EPB41L3: variants seen among roughly 807,000 people sequenced by gnomAD.
The protein encoded by EPB41L3 is erythrocyte membrane protein band 4.1 like 3, also known as band 4.1-like protein 3.
EPB41L3 carries 57 observed loss-of-function variants against 127.1 expected under a neutral mutation model. The ratio of observed to expected loss-of-function variants is 0.45; its 90% CI spans 0.36 to 0.56. The LOEUF (loss-of-function observed/expected upper bound fraction) is 0.56, where lower values mean the gene tolerates loss of function less well. EPB41L3 is among the 20% of genes least tolerant of loss of function. The pLI, the probability that EPB41L3 is intolerant of heterozygous loss-of-function variation, is 0.00. For missense variants in EPB41L3, 1,273 were observed against 1,372.2 expected (o/e 0.93, Z 1.14); for synonymous variants, 572 against 549.5 (o/e 1.04, Z -0.57).
chr18:5,475,202 T>C (rs1480499076), intron 3 of EPB41L3, among the ~76,000 whole-genome samples: 1 of 152,220 alleles, frequency 6.6e-6, no homozygotes. Context: ...CCATTGTTCG[T>C]ATTATCATTA....
chr18:5,600,997 T>C lies in EPB41L3; in HGVS notation c.-306+11343A>G, dbSNP rs187223721. ...TAATTCATGGCATTCCAGTTAGAGA[T>C]ACATTGTTGTCAAACAACAACAACA... On this transcript the variant is annotated intron_variant, in intron 3 of 21. Transcript: ENST00000545076. 2.6e-5 allele frequency among the ~76,000 whole-genome samples: 4 copies of C among 152,254 alleles called. No homozygotes were observed. In the East Asian group the frequency reaches 7.7e-4, roughly 29 times the overall value.
At chr18:5,550,684 G>A (rs1183531476) in intron 3 of EPB41L3, among the ~76,000 whole-genome samples, 1 of 152,086 alleles carries the variant, frequency 6.6e-6, no homozygotes, top group African/African-American at 2.4e-5. Context: ...CTATCAGGAG[G>A]GCACTTGGGC....
At chr18:5,562,213 C>T (rs992670707) in intron 3 of EPB41L3, among the ~76,000 whole-genome samples, 1 of 152,086 alleles carries the variant, frequency 6.6e-6, no homozygotes, top group Non-Finnish European at 1.5e-5. Flanking sequence ...AAGATGCTAA[C>T]ATTAGGGATA....
In EPB41L3 at chr18:5,397,407, T is replaced by C. The variant is rs996237680; in HGVS notation, c.2492A>G (p.Glu831Gly). Residue 831 changes from glutamate to glycine, a missense_variant, in exon 18 of 23, where the codon GAG becomes GGG. Transcript: ENST00000341928. This position sits in a 1 kb window ranked among gnomAD's most constrained non-coding sequence, Gnocchi z 4.1. ...GGGTTCCGTCTCTATTCCACTGGAC[T>C]CCGTCTTGGTTTCCATTTTCTGCAT... is the stretch of plus-strand genomic sequence containing the variant. ...SWVQKMETKT[E>G]SSGIETEPTV... 1.2e-5 allele frequency: 19 copies of C among 1,609,618 alleles called. 1 individual carries two copies. The South Asian group carries it at 2.1e-4, about 18-fold the overall frequency.
intron 1 of EPB41L3, among the ~76,000 whole-genome samples, chr18:5,626,686 G>T (rs1231884946): frequency 6.6e-6 from 1 of 152,194 alleles, no homozygotes; most frequent in Non-Finnish European, 1.5e-5. Flanking sequence ...TCTCCTTACA[G>T]ATAAGGAAGT....
At chr18:5,457,766 C>A (rs1791410900) in intron 3 of EPB41L3, among the ~76,000 whole-genome samples, 1 of 152,108 alleles carries the variant, frequency 6.6e-6, no homozygotes, top group Non-Finnish European at 1.5e-5. Context: ...GGAGACTGTA[C>A]ACACACCTCC....
At chr18:5,506,124 A>T (rs1472301724) in intron 1 of EPB41L3, among the ~76,000 whole-genome samples, 1 of 151,908 alleles carries the variant, frequency 6.6e-6, no homozygotes, top group Non-Finnish European at 1.5e-5. Context: ...ACCATCCAGT[A>T]ACTGCTTGCC....
At chr18:5,398,313 C>CAAGAG in intron 16 of EPB41L3, 170 bp from the exon 17 acceptor site, 2 of 756,294 alleles carry the variant, frequency 2.6e-6, no homozygotes, top group Non-Finnish European at 4.3e-6. Context: ...AAATAGAAAA[C>CAAGAG]CAGGTGCTCT....
chr18:5,406,683 C>T, intron 16 of EPB41L3, 94 bp downstream of exon 16: 1 of 1,159,256 alleles, frequency 8.6e-7, no homozygotes, highest in Non-Finnish European at 1.2e-6. Context: ...GAGAGATTTT[C>T]TACCCAGAAG....
chr18:5,527,894 CA>C (rs1392680391), intron 1 of EPB41L3, among the ~76,000 whole-genome samples: 2 of 152,170 alleles, frequency 1.3e-5, no homozygotes, highest in African/African-American at 4.8e-5. Flanking sequence ...AGAAACACAC[CA>C]TAGAATACTA....
intron 3 of EPB41L3, among the ~76,000 whole-genome samples, chr18:5,565,458 T>C (rs1321689793): frequency 1.3e-5 from 2 of 151,780 alleles, no homozygotes; most frequent in Non-Finnish European, 2.9e-5. Context: ...CTTTTCTTTT[T>C]TTTTTTTTAA....
chr18:5,630,531 GGGGTCC>G (rs757843917), upstream of EPB41L3: 6 of 517,860 alleles, frequency 1.2e-5, no homozygotes, highest in African/African-American at 1.2e-4. Context: ...CGAATTCTCC[GGGGTCC>G]AGTCTCGGGC....
Position 5,397,897 on chromosome 18 carries a change from A to G in EPB41L3, c.2472+124T>C. On this transcript the variant is annotated intron_variant, in intron 17 of 22. Coordinates refer to ENST00000341928, the MANE Select transcript of EPB41L3 (RefSeq NM_012307.5). This position sits in a 1 kb window ranked among gnomAD's most constrained non-coding sequence, Gnocchi z 4.1. ...AGCAGACACAAAGGACAATAAGTGA[A>G]GACACCTTTGAGATGTTGAAGGCAA... 2 of 1,090,438 alleles carry G rather than the reference A, an allele frequency of 1.8e-6. No individual in the cohort carries two copies. The highest frequency in any genetic ancestry group is 2.4e-5 in the East Asian group (1 of 42,248). 67.5% of individuals were successfully genotyped at this position (1,090,438 alleles called of 1,614,324 possible).
chr18:5,433,341 A>G lies in EPB41L3; in HGVS notation c.912+128T>C, dbSNP rs547169506. The G allele has an allele frequency of 1.9e-5, 13 of 670,074 alleles. No homozygotes were observed. The South Asian group carries it at 2.5e-4, about 13-fold the overall frequency. The allele number at this position is 670,074 out of a possible 1,614,324, so 41.5% of individuals were successfully genotyped here. A position where few individuals can be genotyped will look rare whatever the true frequency, so the allele number is the denominator to read the frequency against. ...TATCGTGGAGTAGGGCTTAAAAGAC[A>G]AGCAGAGATTTGAATTCTCAGAGGT... is the stretch of plus-strand genomic sequence containing the variant. On this transcript the variant is annotated intron_variant, in intron 8 of 22. Coordinates refer to ENST00000341928, the MANE Select transcript of EPB41L3 (RefSeq NM_012307.5).
intron 9 of EPB41L3, among the ~76,000 whole-genome samples, chr18:5,425,081 C>A (rs959007450): frequency 1.3e-5 from 2 of 152,142 alleles, no homozygotes; most frequent in African/African-American, 4.8e-5. Flanking sequence ...CAGGTTTTCA[C>A]ATTCTGAAGA....
intron 1 of EPB41L3, among the ~76,000 whole-genome samples, chr18:5,520,018 C>A (rs1486201433): frequency 1.3e-5 from 2 of 152,158 alleles, no homozygotes; most frequent in Non-Finnish European, 2.9e-5. Context: ...ACCCAAGGAG[C>A]TTGTCCATGG....
At chr18:5,499,780 A>C (rs34884133) in intron 1 of EPB41L3, among the ~76,000 whole-genome samples, 78,497 of 146,256 alleles carry the variant, frequency 0.54, 21,953 homozygotes, top group Non-Finnish European at 0.59. Flanking sequence ...ATAAAAAAAA[A>C]ACTTTGTTTT....
chr18:5,521,340 C>A (rs2148815934), intron 1 of EPB41L3: 1 of 152,348 alleles, frequency 6.6e-6, no homozygotes, highest in East Asian at 1.9e-4. Flanking sequence ...GTAATGTCCA[C>A]TGGAAGATTA....
intron 3 of EPB41L3, among the ~76,000 whole-genome samples, chr18:5,581,884 T>C (rs1362768269): frequency 6.6e-6 from 1 of 151,944 alleles, no homozygotes; most frequent in African/African-American, 2.4e-5. Flanking sequence ...GTAGTCCCAG[T>C]TACTTGGGAA....
Sources: allele counts gnomAD v4.1 joint callset (sites outside exome capture counted in the v4.1 genomes callset), GRCh38; gene constraint gnomAD v4.1.1; non-coding constraint Gnocchi (gnomAD v3.1); transcripts MANE v1.5; gene names NCBI Gene and HGNC (gene_info 2026-07-23, HGNC 2026-07-21).